Variants in TULP4 observed in about 807,000 individuals in gnomAD.
TULP4 encodes TUB like protein 4, also known as tubby-related protein 4.
Under a neutral mutation model 129.0 loss-of-function variants are expected in TULP4, and 16 were observed. The ratio of observed to expected loss-of-function variants is 0.12; its 90% confidence interval spans 0.08 to 0.19. TULP4 has a LOEUF of 0.19. TULP4 is among the 10% of genes least tolerant of loss of function. TULP4 has a pLI of 1.00. For missense variants in TULP4, 1,842 were observed against 2,059.1 expected, an observed-to-expected ratio of 0.89 and a Z score of 2.04; for synonymous variants, 998 against 854.0, an observed-to-expected ratio of 1.17 and a Z score of -2.94.
intron 5 of TULP4, among the ~76,000 whole-genome samples, chr6:158,459,004 A>G (rs1471581520): frequency 6.6e-6 from 1 of 152,242 alleles, no homozygotes; most frequent in Non-Finnish European, 1.5e-5. Context: ...ACGTTGCTAT[A>G]TCGCTTGATG....
In TULP4 at chr6:158,455,366, G is replaced by A. The variant is rs551237943; in HGVS notation, c.859+3098G>A. 9.7e-3 allele frequency among the ~76,000 whole-genome samples: 241 copies of A among 24,762 alleles called. 78 individuals carry two copies. The highest frequency in any genetic ancestry group is 0.014 in the Non-Finnish European group (179 of 13,084). 16.2% of individuals were successfully genotyped at this position (24,762 alleles called of 152,430 possible). A position where few individuals can be genotyped will look rare whatever the true frequency, so the allele number is the denominator to read the frequency against. ...TGGGATTACAGGCGTGAGCCACCGCGCCCGGCCAAATTTAACATTTTAATT... is the reference window on the plus strand; with the variant it reads ...TGGGATTACAGGCGTGAGCCACCGCACCCGGCCAAATTTAACATTTTAATT... On this transcript the variant is annotated intron_variant, in intron 5 of 13. Coordinates refer to ENST00000367097, the MANE Select transcript of TULP4 (RefSeq NM_020245.5).
At chr6:158,325,182 A>G (rs12192173) in intron 1 of TULP4, among the ~76,000 whole-genome samples, 29 of 152,292 alleles carry the variant, frequency 1.9e-4, no homozygotes, top group African/African-American at 6.3e-4. Context: ...TTTTTCACCA[A>G]TGTGGATAAC....
chr6:158,449,847 T>C (rs1779128563), intron 4 of TULP4, among the ~76,000 whole-genome samples: 1 of 152,170 alleles, frequency 6.6e-6, no homozygotes, highest in Non-Finnish European at 1.5e-5. Flanking sequence ...CAGTTGGCTC[T>C]TCACCAGCAT....
At chr6:158,297,398 A>C (rs1779053592) in intron 1 of TULP4, among the ~76,000 whole-genome samples, 1 of 152,140 alleles carries the variant, frequency 6.6e-6, no homozygotes, top group African/African-American at 2.4e-5. Context: ...CATGTTTTAC[A>C]ATCAGTTTGT....
At chr6:158,332,504 A>G (rs893586142) in intron 1 of TULP4, among the ~76,000 whole-genome samples, 1 of 152,078 alleles carries the variant, frequency 6.6e-6, no homozygotes, top group Non-Finnish European at 1.5e-5. Context: ...GAGGGCCTTC[A>G]AAGTGAATGG....
In TULP4 at chr6:158,481,207, T is replaced by G. The variant is rs758468112; in HGVS notation, c.1404T>G (p.Leu468=). The G allele has an allele frequency of 1.2e-6, 2 of 1,614,098 alleles. No homozygotes were observed. Among genetic ancestry groups the G allele is most frequent in the East Asian group, 2.2e-5 (1 of 44,900 alleles). ...YTLYLEYLGG[L]VPILKGRRIS... is the part of the protein sequence containing the mutation. ...TCTACCTGGAGTACCTGGGCGGGCT[T>G]GTGCCCATCCTCAAAGGGCGGCGCA... The change falls in exon 8 of 14, where the codon CTT becomes CTG. Residue 468 remains leucine (L), a synonymous_variant. Coordinates refer to ENST00000367097, the MANE Select transcript of TULP4 (RefSeq NM_020245.5).
At chr6:158,309,039 C>T (rs1779281532), upstream of TULP4, among the ~76,000 whole-genome samples, 1 of 143,998 alleles carries the variant, frequency 6.9e-6, no homozygotes, top group South Asian at 2.3e-4. Context: ...GGCTGACCCC[C>T]ACCTCCCTCC....
At chr6:158,269,482 A>G (rs1583691492) in intron 1 of TULP4, among the ~76,000 whole-genome samples, 1 of 152,216 alleles carries the variant, frequency 6.6e-6, no homozygotes, top group East Asian at 1.9e-4. Flanking sequence ...AGAAATCATT[A>G]GCATTCACAT....
At chr6:158,389,167 G>A (rs1777529539) in intron 1 of TULP4, among the ~76,000 whole-genome samples, 1 of 152,154 alleles carries the variant, frequency 6.6e-6, no homozygotes, top group Non-Finnish European at 1.5e-5. Context: ...TTTATAAAAG[G>A]CACCAGGTAT....
rs2128257253 is a variant in TULP4, at chr6:158,493,315, G to GA, written c.1632-257dup. On this transcript the variant is annotated intron_variant, in intron 9 of 13. Coordinates refer to ENST00000367097, the MANE Select transcript of TULP4 (RefSeq NM_020245.5). This position sits in a 1 kb window ranked among gnomAD's most constrained non-coding sequence, Gnocchi z 4.4. ...CTGCCTCAGCCTCCCAAGCAGCTGG[G>GA]ACTGCAGGTGTGTGCCACCACACCC... 6.6e-6 allele frequency among the ~76,000 whole-genome samples: 1 copy of GA among 152,318 alleles called. No individual in the cohort carries two copies. The highest frequency in any genetic ancestry group is 2.1e-4 in the South Asian group (1 of 4,822).
intron 8 of TULP4, among the ~76,000 whole-genome samples, chr6:158,484,204 T>A (rs1248235711): frequency 6.6e-6 from 1 of 151,490 alleles, no homozygotes; most frequent in Non-Finnish European, 1.5e-5. Context: ...GGATCATAGG[T>A]GTGAGCCACC....
chr6:158,468,346 G>A lies in TULP4; in HGVS notation c.1026+6617G>A, dbSNP rs926577527. Among the ~76,000 whole-genome samples the A allele has an allele frequency of 2.0e-5, 3 of 152,166 alleles. No homozygotes were observed. In the South Asian group the frequency reaches 6.2e-4, roughly 32 times the overall value. ...AGGTAAAGGGATCAGGCCGCCTTCA[G>A]CCAGATAAATTACCGAAGTTACACA... On this transcript the variant is annotated intron_variant, in intron 6 of 13. Coordinates refer to ENST00000367097, the MANE Select transcript of TULP4 (RefSeq NM_020245.5).
intron 10 of TULP4, 37 bp from the exon 11 acceptor site, chr6:158,494,716 A>C: frequency 6.4e-7 from 1 of 1,570,788 alleles, no homozygotes; most frequent in South Asian, 1.1e-5. Context: ...ACGGAAATAG[A>C]TTGTGATTCT....
chr6:158,371,498 C>T (rs1777068911), intron 1 of TULP4, among the ~76,000 whole-genome samples: 1 of 152,226 alleles, frequency 6.6e-6, no homozygotes, highest in South Asian at 2.1e-4. Flanking sequence ...CATTAAATGA[C>T]GTGTTTATGA....
chr6:158,300,165 G>A (rs577513777), intron 1 of TULP4, among the ~76,000 whole-genome samples: 6 of 152,122 alleles, frequency 3.9e-5, no homozygotes, highest in Admixed American at 3.3e-4. Flanking sequence ...GTATTCACAC[G>A]AAGTTTAAGT....
intron 6 of TULP4, among the ~76,000 whole-genome samples, chr6:158,463,529 G>A (rs886974346): frequency 6.6e-6 from 1 of 151,928 alleles, no homozygotes; most frequent in East Asian, 1.9e-4. Context: ...ATAGCATTTA[G>A]GAGATATACC....
At chr6:158,468,663 T>A (rs1459633740) in intron 6 of TULP4, among the ~76,000 whole-genome samples, 2 of 152,334 alleles carry the variant, frequency 1.3e-5, no homozygotes, top group Admixed American at 6.5e-5. Context: ...TAGGACCAAA[T>A]GTGTCTTAGT....
At chr6:158,322,262 C>G (rs1053607612) in intron 1 of TULP4, among the ~76,000 whole-genome samples, 1 of 152,142 alleles carries the variant, frequency 6.6e-6, no homozygotes, top group Non-Finnish European at 1.5e-5. Flanking sequence ...GATTTGTGAC[C>G]AACTAAGGTA....
chr6:158,431,761 A>AGGG (rs1025793346), intron 3 of TULP4, among the ~76,000 whole-genome samples: 1 of 152,068 alleles, frequency 6.6e-6, no homozygotes, highest in African/African-American at 2.4e-5. Context: ...TGGAACGTGA[A>AGGG]GGGGGACTCC....
Sources: allele counts gnomAD v4.1 joint callset (sites outside exome capture counted in the v4.1 genomes callset), GRCh38; gene constraint gnomAD v4.1.1; non-coding constraint Gnocchi (gnomAD v3.1); transcripts MANE v1.5; gene names NCBI Gene and HGNC (gene_info 2026-07-23, HGNC 2026-07-21).